PLCB4: variants seen among roughly 807,000 people sequenced by gnomAD.
The protein encoded by PLCB4 is phospholipase C beta 4.
A neutral mutation model predicts 178.8 loss-of-function variants in PLCB4; 77 were observed. That is an observed-to-expected ratio of 0.43 (90% CI 0.36 to 0.52). The LOEUF (loss-of-function observed/expected upper bound fraction) is 0.52, where lower values mean the gene tolerates loss of function less well. Ranked by LOEUF, PLCB4 falls within the 20% of genes least tolerant of loss-of-function variation. PLCB4 has a pLI of 0.00. For missense variants in PLCB4, 1,024 were observed against 1,453.4 expected, an observed-to-expected ratio of 0.70 and a Z score of 4.80; for synonymous variants, 496 against 490.8, an observed-to-expected ratio of 1.01 and a Z score of -0.14.
chr20:9,364,362 C>A (rs150152444), intron 8 of PLCB4, among the ~76,000 whole-genome samples: 2 of 152,324 alleles, frequency 1.3e-5, no homozygotes, highest in African/African-American at 4.8e-5. Flanking sequence ...CTGGTGTTCA[C>A]CCAGCCATCA....
intron 3 of PLCB4, among the ~76,000 whole-genome samples, chr20:9,296,504 C>T (rs1568541847): frequency 2.6e-5 from 4 of 152,176 alleles, no homozygotes; most frequent in South Asian, 2.1e-4. Flanking sequence ...AATCCCATTA[C>T]TGGGTATATA....
chr20:9,442,835 A>T (rs897598024), intron 30 of PLCB4, among the ~76,000 whole-genome samples: 2 of 152,162 alleles, frequency 1.3e-5, no homozygotes, highest in African/African-American at 4.8e-5. Context: ...CTCAGCCAAA[A>T]CTTTCCTTCT....
chr20:9,256,220 GT>G (rs1320808402), intron 3 of PLCB4, among the ~76,000 whole-genome samples: 1 of 152,150 alleles, frequency 6.6e-6, no homozygotes, highest in Non-Finnish European at 1.5e-5. Context: ...AAGATCAGAG[GT>G]AGGCAGTCCA....
chr20:9,253,546 C>G (rs1465253072), intron 3 of PLCB4, among the ~76,000 whole-genome samples: 3 of 152,150 alleles, frequency 2.0e-5, no homozygotes, highest in Non-Finnish European at 4.4e-5. Context: ...GTCTCTTTTT[C>G]CACTTCTAGA....
chr20:9,156,819 GCCTCCCTCCCTC>G (rs56668698), intron 2 of PLCB4, among the ~76,000 whole-genome samples: 16 of 31,292 alleles, frequency 5.1e-4, no homozygotes, highest in East Asian at 1.4e-3. Context: ...TTACAGGGTT[GCCTCCCTCCCTC>G]CCTCCCTCCC....
intron 3 of PLCB4, among the ~76,000 whole-genome samples, chr20:9,235,297 A>G (rs1402976581): frequency 1.3e-5 from 2 of 152,216 alleles, no homozygotes; most frequent in African/African-American, 2.4e-5. Flanking sequence ...GCAAATGCAC[A>G]TAGACATGGC....
chr20:9,456,213 C>T (rs2043048724), intron 33 of PLCB4, among the ~76,000 whole-genome samples: 1 of 152,188 alleles, frequency 6.6e-6, no homozygotes, highest in Non-Finnish European at 1.5e-5. Flanking sequence ...GGAGCTTTCT[C>T]ATGCAGGATC....
At chr20:9,204,510 G>T (rs778953761) in intron 2 of PLCB4, among the ~76,000 whole-genome samples, 4 of 151,950 alleles carry the variant, frequency 2.6e-5, no homozygotes, top group Non-Finnish European at 5.9e-5. Context: ...CAGGCGTGCA[G>T]CACCATGCCT....
intron 2 of PLCB4, among the ~76,000 whole-genome samples, chr20:9,107,041 A>C (rs2146666344): frequency 6.6e-6 from 1 of 152,310 alleles, no homozygotes. Flanking sequence ...GAATGCCTAA[A>C]CCATCTCCAT....
chr20:9,393,491 TG>T (rs1375940732), intron 17 of PLCB4, 96 bp from the exon 18 acceptor site: 7 of 749,006 alleles, frequency 9.3e-6, no homozygotes, highest in African/African-American at 8.7e-5. Context: ...GGTGTTGGGT[TG>T]CATCACTCCC....
chr20:9,375,457 G>C (rs2036589283), intron 12 of PLCB4, among the ~76,000 whole-genome samples: 1 of 152,148 alleles, frequency 6.6e-6, no homozygotes, highest in South Asian at 2.1e-4. Context: ...CCCTGTGAAG[G>C]TTCCTTGTGA....
chr20:9,200,649 T>A (rs1222091115), intron 2 of PLCB4, among the ~76,000 whole-genome samples: 1 of 152,186 alleles, frequency 6.6e-6, no homozygotes, highest in Non-Finnish European at 1.5e-5. Context: ...TCACTTGCTG[T>A]TTTCCAGCTA....
Position 9,160,679 on chromosome 20 carries a change from G to A in PLCB4, c.-78-56711G>A, listed in dbSNP as rs556500938. On this transcript the variant is annotated intron_variant, in intron 2 of 39. Coordinates refer to ENST00000378473, the MANE Select transcript of PLCB4 (RefSeq NM_001377142.1). ...ATAGTTACAAGCTGTTTTCTAGACC[G>A]AGGTAATGGTGGAGGTAACTTCTGC... Among the ~76,000 whole-genome samples the A allele has an allele frequency of 6.6e-5, 10 of 152,274 alleles. No individual in the cohort carries two copies. The East Asian group carries it at 1.5e-3, about 24-fold the overall frequency.
chr20:9,358,896 C>A lies in PLCB4; in HGVS notation c.370-4000C>A, dbSNP rs541315931. Among the ~76,000 whole-genome samples the A allele has an allele frequency of 3.9e-5, 6 of 152,144 alleles. No homozygotes were observed. The South Asian group carries it at 1.2e-3, about 32-fold the overall frequency. ...CCTGGGCGACAGAGCAAGACTCCAT[C>A]TCAAAAAAACAACAAAAAAAGGAAA... On this transcript the variant is annotated intron_variant, in intron 7 of 39. Transcript: ENST00000378473.
In PLCB4 at chr20:9,073,947, C is replaced by T. The variant is rs538500641; in HGVS notation, c.-135+4741C>T. Reference sequence around the variant, plus strand: ...AGGGTCTTTAAGATTTACCATATTGCGAAGGGCATTCATGACCCACACAAG... The same window carrying T: ...AGGGTCTTTAAGATTTACCATATTGTGAAGGGCATTCATGACCCACACAAG... On this transcript the variant is annotated intron_variant, in intron 1 of 39. Coordinates refer to ENST00000378473, the MANE Select transcript of PLCB4 (RefSeq NM_001377142.1). 7.9e-5 allele frequency among the ~76,000 whole-genome samples: 12 copies of T among 152,100 alleles called. 1 individual carries two copies. Among genetic ancestry groups the T allele is most frequent in the Admixed American group, 3.9e-4 (6 of 15,282 alleles).
chr20:9,258,358 G>A (rs893656780), intron 3 of PLCB4, among the ~76,000 whole-genome samples: 1 of 152,128 alleles, frequency 6.6e-6, no homozygotes, highest in African/African-American at 2.4e-5. Flanking sequence ...TTTCAGAATA[G>A]CAAGGAAAAG....
intron 9 of PLCB4, among the ~76,000 whole-genome samples, chr20:9,368,652 A>G (rs1568666354): frequency 1.3e-5 from 2 of 152,286 alleles, no homozygotes; most frequent in Non-Finnish European, 2.9e-5. Flanking sequence ...TCCTTCACTC[A>G]AGAGTTCTCT....
chr20:9,396,095 A>T lies in PLCB4; in HGVS notation c.1510+477A>T, dbSNP rs558280820. On this transcript the variant is annotated intron_variant, in intron 19 of 39. Coordinates refer to ENST00000378473, the MANE Select transcript of PLCB4 (RefSeq NM_001377142.1). ...CTTGGTATTTTGCCAAACACTTCCC[A>T]TTTTTTCTGGCTACTAAATTTTAAT... Among the ~76,000 whole-genome samples, 9 of 152,110 alleles carry T rather than the reference A, an allele frequency of 5.9e-5. No homozygotes were observed. In the East Asian group the frequency reaches 1.7e-3, roughly 29 times the overall value.
chr20:9,207,294 G>T (rs1042215519), intron 2 of PLCB4, among the ~76,000 whole-genome samples: 4 of 152,172 alleles, frequency 2.6e-5, no homozygotes, highest in African/African-American at 9.7e-5. Context: ...ACTGATTAAA[G>T]TATAGTTTTA....
Sources: gnomAD v4.1 joint callset for allele counts (sites outside exome capture counted in the v4.1 genomes callset) on GRCh38, gnomAD v4.1.1 for gene constraint, MANE v1.5 for transcripts, NCBI Gene and HGNC (gene_info 2026-07-23, HGNC 2026-07-21) for gene names.